The following CRADD variants were observed in gnomAD, a reference collection of about 807,000 sequenced individuals.
CRADD encodes CARD and death domain containing adaptor protein, also known as death domain-containing protein CRADD.
A neutral mutation model predicts 15.5 loss-of-function variants in CRADD; 9 were observed. The ratio of observed to expected loss-of-function variants is 0.58; its 90% CI spans 0.35 to 1.01. The LOEUF (loss-of-function observed/expected upper bound fraction) is 1.01, where lower values mean the gene tolerates loss of function less well. Ranked by LOEUF, CRADD falls within the 50% of genes least tolerant of loss-of-function variation. The pLI is 0.02. For missense variants in CRADD, 227 were observed against 250.3 expected (o/e 0.91, Z 0.63); for synonymous variants, 118 against 107.6 (o/e 1.10, Z -0.60).
At chr12:93,853,971 G>GT (rs1399509171), downstream of CRADD, among the ~76,000 whole-genome samples, 2 of 152,144 alleles carry the variant, frequency 1.3e-5, no homozygotes, top group South Asian at 2.1e-4. Flanking sequence ...AGTGTTTGTG[G>GT]TTAAATCTTT....
At chr12:93,869,993 A>C (rs1420750540) in intron 2 of CRADD, among the ~76,000 whole-genome samples, 1 of 152,194 alleles carries the variant, frequency 6.6e-6, no homozygotes, top group Admixed American at 6.5e-5. Context: ...CATAATTGAC[A>C]AATGGCTGAA....
chr12:93,825,678 AAGCCTAGGAGAAGCAC>A (rs1198335899), intron 2 of CRADD, among the ~76,000 whole-genome samples: 4 of 152,200 alleles, frequency 2.6e-5, no homozygotes, highest in African/African-American at 9.7e-5. Context: ...AGGGCTGGCT[AAGCCTAGGAGAAGCAC>A]AGCAGTATTA....
intron 2 of CRADD, among the ~76,000 whole-genome samples, chr12:93,707,047 A>C (rs975567307): frequency 6.6e-6 from 1 of 152,152 alleles, no homozygotes; most frequent in Non-Finnish European, 1.5e-5. Flanking sequence ...CTGAAATTCT[A>C]TTAGTATGAT....
intron 2 of CRADD, chr12:93,837,556 CCGG>C (rs1957988730): frequency 1.4e-5 from 2 of 144,140 alleles, no homozygotes; most frequent in African/African-American, 2.6e-5. Context: ...GCATGAGCCA[CCGG>C]GCGGTTTCCA....
At chr12:93,868,686 G>GCACAAACACACACACACACA (rs1958392052) in intron 2 of CRADD, among the ~76,000 whole-genome samples, 1 of 142,828 alleles carries the variant, frequency 7.0e-6, no homozygotes, top group African/African-American at 2.6e-5. Flanking sequence ...TCTCTCTCTT[G>GCACAAACACACACACACACA]CACACACACA....
intron 2 of CRADD, among the ~76,000 whole-genome samples, chr12:93,713,883 G>A (rs1173117843): frequency 6.6e-6 from 1 of 151,900 alleles, no homozygotes; most frequent in Non-Finnish European, 1.5e-5. Flanking sequence ...TTTAAAACGT[G>A]GCTACTAGAC....
downstream of CRADD, among the ~76,000 whole-genome samples, chr12:93,852,361 C>T (rs145563763): frequency 0.01 from 1,538 of 152,328 alleles, 23 homozygotes; most frequent in African/African-American, 0.036. Flanking sequence ...TGCAAGGAAT[C>T]TGTCACGCAT....
chr12:93,726,263 C>G (rs1385015069), intron 2 of CRADD, among the ~76,000 whole-genome samples: 1 of 151,906 alleles, frequency 6.6e-6, no homozygotes, highest in Non-Finnish European at 1.5e-5. Context: ...ACCACCATGC[C>G]CAGCTAATTT....
At chr12:93,889,088 G>A (rs1303523632) in intron 2 of CRADD, among the ~76,000 whole-genome samples, 1 of 152,176 alleles carries the variant, frequency 6.6e-6, no homozygotes, top group Non-Finnish European at 1.5e-5. Context: ...ATGGATGGCA[G>A]TTGATGCCAA....
intron 2 of CRADD, among the ~76,000 whole-genome samples, chr12:93,688,457 C>A (rs1955487220): frequency 6.7e-6 from 1 of 149,078 alleles, no homozygotes; most frequent in Admixed American, 6.7e-5. Flanking sequence ...GAGTCGAGAG[C>A]ACACTCCATC....
At chr12:93,755,316 T>C (rs561247005) in intron 2 of CRADD, among the ~76,000 whole-genome samples, 4 of 151,778 alleles carry the variant, frequency 2.6e-5, no homozygotes, top group African/African-American at 9.7e-5. Flanking sequence ...CACAAAGGAG[T>C]GGTGGGCTTA....
chr12:93,823,753 G>A (rs118122405), intron 2 of CRADD, among the ~76,000 whole-genome samples: 2,747 of 152,294 alleles, frequency 0.018, 27 homozygotes, highest in Middle Eastern at 0.037. Flanking sequence ...TGAGAATTCA[G>A]GGAGAGCCTG....
At chr12:93,714,066 C>T (rs1956121186) in intron 2 of CRADD, among the ~76,000 whole-genome samples, 1 of 152,134 alleles carries the variant, frequency 6.6e-6, no homozygotes, top group Non-Finnish European at 1.5e-5. Context: ...CTGTGTTTCT[C>T]AAAAGGTCGA....
At chr12:93,867,460 A>G (rs1172583089) in intron 2 of CRADD, among the ~76,000 whole-genome samples, 1 of 144,882 alleles carries the variant, frequency 6.9e-6, no homozygotes, top group African/African-American at 2.5e-5. Flanking sequence ...AAAATGTTCC[A>G]ATATGTAATT....
intron 2 of CRADD, among the ~76,000 whole-genome samples, chr12:93,723,453 C>G (rs1956300116): frequency 6.6e-6 from 1 of 152,204 alleles, no homozygotes; most frequent in African/African-American, 2.4e-5. Flanking sequence ...CACCCAGGAA[C>G]TGACTCAGTA....
intron 2 of CRADD, among the ~76,000 whole-genome samples, chr12:93,847,872 G>T (rs1029477099): frequency 2.0e-5 from 3 of 152,198 alleles, no homozygotes; most frequent in African/African-American, 7.2e-5. Context: ...AATTGTGTGT[G>T]TGTATGTTTT....
At chr12:93,784,940 C>G (rs1049542309) in intron 2 of CRADD, among the ~76,000 whole-genome samples, 1 of 152,140 alleles carries the variant, frequency 6.6e-6, no homozygotes, top group African/African-American at 2.4e-5. Flanking sequence ...AAGTACAGAG[C>G]CTGCTTACTT....
At chr12:93,887,534 G>A (rs997269024) in intron 2 of CRADD, among the ~76,000 whole-genome samples, 12 of 152,214 alleles carry the variant, frequency 7.9e-5, no homozygotes, top group Admixed American at 5.2e-4. Context: ...TCCAAAATAC[G>A]TAGACTTCTA....
intron 2 of CRADD, among the ~76,000 whole-genome samples, chr12:93,877,522 C>A (rs913874471): frequency 6.6e-6 from 1 of 152,228 alleles, no homozygotes; most frequent in Non-Finnish European, 1.5e-5. Context: ...TGTACTGCAG[C>A]TGAGCTGGCA....
Sources: gnomAD v4.1 joint callset for allele counts (sites outside exome capture counted in the v4.1 genomes callset) on GRCh38, gnomAD v4.1.1 for gene constraint, MANE v1.5 for transcripts, NCBI Gene and HGNC (gene_info 2026-07-23, HGNC 2026-07-21) for gene names.